ROR1: variants seen among roughly 807,000 people sequenced by gnomAD.
ROR1 encodes ROR family WNT receptor 1, also known as inactive tyrosine-protein kinase transmembrane receptor ROR1.
In ROR1, 19 loss-of-function variants were observed where a neutral mutation model predicts 78.8. That is an observed-to-expected ratio of 0.24 (90% CI 0.17 to 0.35). The LOEUF is 0.35. ROR1 is among the 10% of genes least tolerant of loss of function. The probability of loss-of-function intolerance (pLI) is 1.00; values close to 1 mark genes in which losing one functional copy is unlikely to be tolerated. For missense variants in ROR1, 917 were observed against 1,177.8 expected (o/e 0.78, Z 3.24); for synonymous variants, 386 against 433.6 (o/e 0.89, Z 1.36).
chr1:63,928,181 G>C (rs1013700234), intron 1 of ROR1, among the ~76,000 whole-genome samples: 1 of 152,142 alleles, frequency 6.6e-6, no homozygotes, highest in Admixed American at 6.6e-5. Flanking sequence ...AAGAATCCTG[G>C]GTAGGAGTAA....
intron 1 of ROR1, among the ~76,000 whole-genome samples, chr1:63,819,271 T>C (rs987242588): frequency 3.3e-5 from 5 of 152,228 alleles, no homozygotes; most frequent in African/African-American, 1.2e-4. Flanking sequence ...TAGGATCATC[T>C]ATGGCCTCCT....
Position 64,033,345 on chromosome 1 carries a change from A to G in ROR1, c.164-16346A>G, listed in dbSNP as rs917746138. Among the ~76,000 whole-genome samples the G allele has an allele frequency of 7.9e-5, 12 of 152,330 alleles. No individual in the cohort carries two copies. The South Asian group carries it at 1.9e-3, about 24-fold the overall frequency. ...CAGTCACCAAAACTGGGAGAAAAGC[A>G]TAACTGATCTTTTATTTCACAGATG... On this transcript the variant is annotated intron_variant, in intron 2 of 8. Coordinates refer to ENST00000371079, the MANE Select transcript of ROR1 (RefSeq NM_005012.4).
At chr1:63,937,068 A>G (rs1479968781) in intron 1 of ROR1, among the ~76,000 whole-genome samples, 8 of 152,334 alleles carry the variant, frequency 5.3e-5, no homozygotes, top group Admixed American at 5.2e-4. Flanking sequence ...AAACATATCA[A>G]TTAGGAGATG....
At chr1:63,822,709 C>T (rs1010600993) in intron 1 of ROR1, among the ~76,000 whole-genome samples, 4 of 152,154 alleles carry the variant, frequency 2.6e-5, no homozygotes, top group Admixed American at 2.6e-4. Context: ...AATTTTTAAT[C>T]ACACAATTTA....
intron 1 of ROR1, among the ~76,000 whole-genome samples, chr1:63,883,488 C>T (rs1023549810): frequency 3.3e-5 from 5 of 152,098 alleles, no homozygotes; most frequent in East Asian, 1.9e-4. Context: ...AATATTTGCC[C>T]GGGAAAGAAG....
intron 1 of ROR1, among the ~76,000 whole-genome samples, chr1:63,801,147 C>T (rs2643223): frequency 0.043 from 6,505 of 151,972 alleles, 472 homozygotes; most frequent in African/African-American, 0.15. Context: ...TGTAATTTTG[C>T]ATTAGTTTTA....
rs2100625455 is a variant in ROR1 at position 64,077,066 on chromosome 1, G to T, written c.482+26350G>T. 1.3e-5 allele frequency among the ~76,000 whole-genome samples: 2 copies of T among 152,166 alleles called. 1 individual carries two copies. Among genetic ancestry groups the T allele is most frequent in the East Asian group, 3.9e-4 (2 of 5,176 alleles). On this transcript the variant is annotated intron_variant, in intron 4 of 8. Transcript: ENST00000371079. ...TACCCTCCTCATATGGCTGTTATAGGGGAAAAAGACACAATATGCAAAGCA... is the reference window on the plus strand; with the variant it reads ...TACCCTCCTCATATGGCTGTTATAGTGGAAAAAGACACAATATGCAAAGCA...
At chr1:64,168,737 A>G (rs1650156962) in intron 8 of ROR1, among the ~76,000 whole-genome samples, 1 of 152,232 alleles carries the variant, frequency 6.6e-6, no homozygotes, top group Admixed American at 6.5e-5. Flanking sequence ...TTTCCAAAGC[A>G]TCTTTTCAAG....
chr1:64,160,229 C>T (rs1449174869), intron 8 of ROR1, among the ~76,000 whole-genome samples: 3 of 152,056 alleles, frequency 2.0e-5, no homozygotes, highest in African/African-American at 7.2e-5. Flanking sequence ...ATTAACTAAT[C>T]CTCTTATCTA....
At chr1:63,927,776 T>G (rs1368181529) in intron 1 of ROR1, among the ~76,000 whole-genome samples, 1 of 152,180 alleles carries the variant, frequency 6.6e-6, no homozygotes, top group Non-Finnish European at 1.5e-5. Context: ...ATTGCAATCA[T>G]GAGGAATTTA....
intron 1 of ROR1, among the ~76,000 whole-genome samples, chr1:63,835,975 ACT>A (rs1291657151): frequency 1.3e-5 from 2 of 152,124 alleles, no homozygotes; most frequent in East Asian, 1.9e-4. Context: ...AAGTGAAAAC[ACT>A]CTCTTTCTTC....
intron 1 of ROR1, among the ~76,000 whole-genome samples, chr1:63,797,578 G>T (rs1196922972): frequency 6.6e-6 from 1 of 152,172 alleles, no homozygotes; most frequent in Non-Finnish European, 1.5e-5. Context: ...AATTAGTAGG[G>T]TTTATTTGTT....
intron 1 of ROR1, among the ~76,000 whole-genome samples, chr1:63,779,436 A>G (rs1644637856): frequency 1.3e-5 from 2 of 151,964 alleles, no homozygotes; most frequent in Non-Finnish European, 2.9e-5. Context: ...GCCTGGCTTC[A>G]CCCATTCCCT....
intron 1 of ROR1, among the ~76,000 whole-genome samples, chr1:63,890,610 T>C (rs941012475): frequency 2.0e-5 from 3 of 151,924 alleles, no homozygotes; most frequent in Non-Finnish European, 2.9e-5. Context: ...GAAAGATTTA[T>C]CTTGGGTGAT....
intron 4 of ROR1, among the ~76,000 whole-genome samples, chr1:64,129,506 G>T (rs1648837621): frequency 6.6e-6 from 1 of 152,176 alleles, no homozygotes; most frequent in South Asian, 2.1e-4. Context: ...TCTCTAATAA[G>T]AACTTGGGGG....
At chr1:63,934,822 G>C (rs1165425945) in intron 1 of ROR1, among the ~76,000 whole-genome samples, 3 of 152,122 alleles carry the variant, frequency 2.0e-5, no homozygotes, top group African/African-American at 7.2e-5. Flanking sequence ...GGTCAAATTG[G>C]CCTTTCAGAC....
At chr1:63,827,788 G>A (rs191428906) in intron 1 of ROR1, among the ~76,000 whole-genome samples, 1 of 152,154 alleles carries the variant, frequency 6.6e-6, no homozygotes, top group Non-Finnish European at 1.5e-5. Context: ...AACTGAACTG[G>A]TTTCCAATTG....
chr1:64,052,031 T>C (rs1457681694), intron 4 of ROR1, among the ~76,000 whole-genome samples: 1 of 152,262 alleles, frequency 6.6e-6, no homozygotes, highest in Non-Finnish European at 1.5e-5. Flanking sequence ...ACAGTTCTGC[T>C]ATTTCATCAG....
intron 2 of ROR1, among the ~76,000 whole-genome samples, chr1:64,022,267 G>A (rs541518477): frequency 5.9e-5 from 9 of 152,290 alleles, no homozygotes; most frequent in African/African-American, 2.2e-4. Context: ...TGCTTTATAG[G>A]TACACACTTT....
Sources: allele counts gnomAD v4.1 joint callset (sites outside exome capture counted in the v4.1 genomes callset), GRCh38; gene constraint gnomAD v4.1.1; transcripts MANE v1.5; gene names NCBI Gene and HGNC (gene_info 2026-07-23, HGNC 2026-07-21).